The following DMD variants were observed in gnomAD, a reference collection of about 807,000 sequenced individuals.
DMD encodes the protein mutant dystrophin.
Under a neutral mutation model 330.1 loss-of-function variants are expected in DMD, and 63 were observed. The observed-to-expected ratio is 0.19, with a 90% CI of 0.16 to 0.24. The LOEUF is 0.24. Among genes scored for constraint, DMD ranks in the 10% least tolerant of loss-of-function variants. DMD has a pLI of 1.00. For missense variants in DMD, 3,344 were observed against 2,684.1 expected (o/e 1.25, Z -5.43); for synonymous variants, 1,223 against 959.8 (o/e 1.27, Z -5.07).
At chrX:33,220,661 T>C (rs1342766537) in intron 1 of DMD, among the ~76,000 whole-genome samples, 2 of 111,869 alleles carry the variant, frequency 1.8e-5, no homozygotes, top group African/African-American at 6.5e-5. Context: ...TTGCTTGTCA[T>C]TTTGTTGTGT....
chrX:32,233,950 C>T (rs7066485), intron 43 of DMD, among the ~76,000 whole-genome samples: 12,003 of 110,609 alleles, frequency 0.11, 568 homozygotes, highest in Admixed American at 0.15. Flanking sequence ...TCTTAGGCTT[C>T]ATTTTGTGCC....
chrX:32,310,238 T>A lies in DMD; in HGVS notation c.5961A>T (p.Glu1987Asp), dbSNP rs2097556906. 1 of 1,207,683 alleles carries A rather than the reference T, an allele frequency of 8.3e-7. No homozygotes were observed. The highest frequency in any genetic ancestry group is 1.8e-5 in the South Asian group (1 of 56,807). ...CATAAGAAATTTCCAAAGGCATGTC[T>A]TCAGTCATCACCATCATCGTTTCTT... ...VREETMMVMT[E>D]DMPLEISYVP... Residue 1987 changes from glutamate to aspartate, a missense_variant, in exon 42 of 79, where the codon GAA (glutamate) becomes GAT (aspartate). Physicochemically the swap from Glu to Asp is conservative, Grantham distance 45 (BLOSUM62 2). Transcript: ENST00000357033.
At chrX:31,860,614 G>C (rs1180106699) in intron 48 of DMD, among the ~76,000 whole-genome samples, 1 of 112,126 alleles carries the variant, frequency 8.9e-6, no homozygotes, top group African/African-American at 3.2e-5. Context: ...ATGAAGACTG[G>C]GAAAGTGCAG....
At chrX:32,168,341 C>T (rs767288008) in intron 44 of DMD, among the ~76,000 whole-genome samples, 64 of 110,868 alleles carry the variant, frequency 5.8e-4, no homozygotes, top group Admixed American at 5.6e-3. Context: ...ATGATCCTAC[C>T]AATGTGAGCT....
chrX:32,539,948 C>CCT (rs1431646831), intron 17 of DMD, among the ~76,000 whole-genome samples: 1 of 111,669 alleles, frequency 9.0e-6, no homozygotes, highest in African/African-American at 3.3e-5. Flanking sequence ...TTTCAAAATG[C>CCT]CTCTACATTA....
intron 47 of DMD, among the ~76,000 whole-genome samples, chrX:31,896,842 T>A (rs2094341325): frequency 9.0e-6 from 1 of 111,506 alleles, no homozygotes; most frequent in Admixed American, 9.5e-5. Flanking sequence ...ACTAGTTGAG[T>A]TTTTGATCTA....
At chrX:32,680,985 C>A (rs915466217) in intron 9 of DMD, among the ~76,000 whole-genome samples, 1 of 112,311 alleles carries the variant, frequency 8.9e-6, no homozygotes, top group African/African-American at 3.2e-5. Context: ...TCACTGATTT[C>A]TTCTCCATAC....
intron 59 of DMD, among the ~76,000 whole-genome samples, chrX:31,453,178 T>C (rs1220995650): frequency 9.0e-6 from 1 of 111,178 alleles, no homozygotes; most frequent in Non-Finnish European, 1.9e-5. Flanking sequence ...CCTTTTGAGA[T>C]GGAGTCTCGC....
chrX:32,492,939 G>A (rs1483420842), intron 19 of DMD, among the ~76,000 whole-genome samples: 1 of 110,871 alleles, frequency 9.0e-6, no homozygotes, highest in East Asian at 2.8e-4. Context: ...AGTTCGAAGA[G>A]TAGTTTGGTA....
At position 32,517,874 on chromosome X, in the gene DMD, A is replaced by T. The variant is rs2046013229; in HGVS notation, c.2292+134T>A. On this transcript the variant is annotated intron_variant, in intron 18 of 78. Coordinates refer to ENST00000357033, the MANE Select transcript of DMD (RefSeq NM_004006.3). ...TGATTTTGCTTGCTATCTAAAATAT[A>T]TTTTTAAGACATATTAAACAGCATT... 2.3e-5 allele frequency: 17 copies of T among 743,138 alleles called. No homozygotes were observed. The South Asian group carries it at 3.7e-4, about 16-fold the overall frequency. The allele number at this position is 743,138 out of a possible 1,213,427, so 61.2% of individuals were successfully genotyped here. A position where few individuals can be genotyped will look rare whatever the true frequency, so the allele number is the denominator to read the frequency against.
intron 60 of DMD, among the ~76,000 whole-genome samples, chrX:31,371,135 T>C (rs967789642): frequency 1.8e-5 from 2 of 111,154 alleles, no homozygotes; most frequent in African/African-American, 6.6e-5. Context: ...GGTTGTGACA[T>C]TGAACTAGAG....
Position 32,664,319 on chromosome X carries a change from A to G in DMD, c.961-19167T>C, listed in dbSNP as rs142194247. Among the ~76,000 whole-genome samples, 765 of 100,854 alleles carry G rather than the reference A, an allele frequency of 7.6e-3. 7 individuals are homozygous for G. Among genetic ancestry groups the G allele is most frequent in the African/African-American group, 0.026 (696 of 26,879 alleles). 87.6% of individuals were successfully genotyped at this position (100,854 alleles called of 115,157 possible). A position where few individuals can be genotyped will look rare whatever the true frequency, so the allele number is the denominator to read the frequency against. The stretch of plus-strand genomic sequence containing the variant: ...TGCAGTAGCGCGATATCCGCTCACT[A>G]CAAGCTCCGCCTCCCGGGTTCACGC... On this transcript the variant is annotated intron_variant, in intron 9 of 78. Coordinates refer to ENST00000357033, the MANE Select transcript of DMD (RefSeq NM_004006.3).
chrX:31,846,854 G>A (rs2093435972), intron 48 of DMD, among the ~76,000 whole-genome samples: 1 of 111,428 alleles, frequency 9.0e-6, no homozygotes, highest in African/African-American at 3.3e-5. Flanking sequence ...ACAACTACAA[G>A]GAATTTCCTT....
At chrX:31,511,005 C>A (rs1251387942) in intron 55 of DMD, among the ~76,000 whole-genome samples, 1 of 111,568 alleles carries the variant, frequency 9.0e-6, no homozygotes, top group Admixed American at 9.6e-5. Context: ...TGACTTGACA[C>A]ATCAGCATAA....
chrX:32,862,958 C>T (rs1470288508), intron 2 of DMD, among the ~76,000 whole-genome samples: 1 of 110,331 alleles, frequency 9.1e-6, no homozygotes, highest in Non-Finnish European at 1.9e-5. Flanking sequence ...AGGCTGGTCT[C>T]GACCTCCTGA....
At chrX:33,045,313 CGT>C (rs1435355326) in intron 1 of DMD, among the ~76,000 whole-genome samples, 1 of 84,747 alleles carries the variant, frequency 1.2e-5, no homozygotes, top group African/African-American at 4.8e-5. Context: ...CACACAGGTG[CGT>C]ACACACACAC....
intron 62 of DMD, among the ~76,000 whole-genome samples, chrX:31,275,032 TAGAG>T (rs1012282290): frequency 2.7e-4 from 30 of 110,156 alleles, no homozygotes; most frequent in East Asian, 1.1e-3. Flanking sequence ...ATTACAGAAA[TAGAG>T]AGAAAAAAAG....
chrX:32,453,657 C>T lies in DMD; in HGVS notation c.3603+1005G>A, dbSNP rs769769992. ...TTGTGTTAGAAATTTCATATTTCAT[C>T]CCTCTAATGATTCTGAAAGCAGACA... On this transcript the variant is annotated intron_variant, in intron 26 of 78. Coordinates refer to ENST00000357033, the MANE Select transcript of DMD (RefSeq NM_004006.3). 3.6e-4 allele frequency among the ~76,000 whole-genome samples: 40 copies of T among 110,551 alleles called. No homozygotes were observed. The South Asian group carries it at 0.014, about 39-fold the overall frequency.
intron 51 of DMD, among the ~76,000 whole-genome samples, chrX:31,749,981 G>T (rs75809696): frequency 0.33 from 34,726 of 104,991 alleles, 5,546 homozygotes; most frequent in African/African-American, 0.52. Context: ...GCCCACTTTT[G>T]GATGGGGTTG....
Sources: gnomAD v4.1 joint callset for allele counts (sites outside exome capture counted in the v4.1 genomes callset) on GRCh38, gnomAD v4.1.1 for gene constraint, MANE v1.5 for transcripts, NCBI Gene and HGNC (gene_info 2026-07-23, HGNC 2026-07-21) for gene names.